Variants in PCDHGA7 observed in about 807,000 individuals in gnomAD.
PCDHGA7 encodes protocadherin gamma-A7.
A neutral mutation model predicts 58.3 loss-of-function variants in PCDHGA7; 44 were observed. The ratio of observed to expected loss-of-function variants is 0.75; its 90% CI spans 0.59 to 0.97. PCDHGA7 has a LOEUF of 0.97. Among genes scored for constraint, PCDHGA7 ranks in the 50% least tolerant of loss-of-function variants. The pLI, the probability that PCDHGA7 is intolerant of heterozygous loss-of-function variation, is 0.00. For missense variants in PCDHGA7, 1,266 were observed against 1,188.7 expected (o/e 1.06, Z -0.96); for synonymous variants, 516 against 504.2 (o/e 1.02, Z -0.31).
At chr5:141,446,020 T>C (rs1226676321) in intron 1 of PCDHGA7, among the ~76,000 whole-genome samples, 1 of 152,180 alleles carries the variant, frequency 6.6e-6, no homozygotes, top group African/African-American at 2.4e-5. Context: ...ACTATGGCAA[T>C]ATTCCTGGTA....
At chr5:141,428,792 T>A (rs1590880161) in intron 1 of PCDHGA7, 1 of 152,978 alleles carries the variant, frequency 6.5e-6, no homozygotes, top group Middle Eastern at 3.4e-3. Flanking sequence ...TTCCTTTCTG[T>A]GTGGGCCAGT....
In PCDHGA7 at chr5:141,438,621, TATATATATATATATACACAC is replaced by T. The variant is rs1185208192; in HGVS notation, c.2424+53300_2424+53319del. Among the ~76,000 whole-genome samples, 212 of 41,372 alleles carry T rather than the reference TATATATATATATATACACAC, an allele frequency of 5.1e-3. 1 individual carries two copies. The highest frequency in any genetic ancestry group is 0.03 in the African/African-American group (177 of 5,808). 27.1% of individuals were successfully genotyped at this position (41,372 alleles called of 152,430 possible). On this transcript the variant is annotated intron_variant, in intron 1 of 3. Transcript: ENST00000518325. ...ATATATATATATATATATATATATA[TATATATATATATATACACAC>T]ACACACACACATATATGTATATATA...
chr5:141,425,836 C>T (rs568578402), intron 1 of PCDHGA7, among the ~76,000 whole-genome samples: 1 of 152,344 alleles, frequency 6.6e-6, no homozygotes, highest in East Asian at 1.9e-4. Context: ...TTTAAATTCT[C>T]TTTGCTGGGT....
At chr5:141,409,868 A>G in intron 1 of PCDHGA7, 2 of 1,612,688 alleles carry the variant, frequency 1.2e-6, no homozygotes, top group South Asian at 1.1e-5. Context: ...GGGAGACCGC[A>G]ATGACAACGC....
chr5:141,414,934 G>A (rs1473788181), intron 1 of PCDHGA7: 1 of 1,614,146 alleles, frequency 6.2e-7, no homozygotes, highest in South Asian at 1.1e-5. Context: ...CCGCTCCGCA[G>A]AGCCCGGCTA....
At chr5:141,396,447 C>T (rs1200125693) in intron 1 of PCDHGA7, 2 of 152,068 alleles carry the variant, frequency 1.3e-5, no homozygotes, top group South Asian at 2.1e-4. Flanking sequence ...GGTGAAACCC[C>T]GTCTCTACTA....
At chr5:141,423,264 C>G (rs1452323474) in intron 1 of PCDHGA7, 1 of 1,613,986 alleles carries the variant, frequency 6.2e-7, no homozygotes. Flanking sequence ...TCGGCAGCCT[C>G]GAGTCTCTGG....
rs778271895 is a variant in PCDHGA7 at position 141,404,140 on chromosome 5, T to C, written c.2424+18817T>C. ...AGAATCTATCTTTTACATTAGAAAA[T>C]TCAGAAGAAGATTATTACAGATTGT... On this transcript the variant is annotated intron_variant, in intron 1 of 3. Coordinates refer to ENST00000518325, the MANE Select transcript of PCDHGA7 (RefSeq NM_018920.4). The C allele has an allele frequency of 8.1e-6, 13 of 1,612,934 alleles. No homozygotes were observed. The South Asian group carries it at 1.3e-4, about 16-fold the overall frequency.
At chr5:141,389,140 C>T in intron 1 of PCDHGA7, 3 of 1,613,996 alleles carry the variant, frequency 1.9e-6, no homozygotes, top group Non-Finnish European at 2.5e-6. Context: ...TACAATATAA[C>T]CGTTACGGCA....
chr5:141,419,300 T>G (rs2096356436), intron 1 of PCDHGA7: 3 of 1,613,998 alleles, frequency 1.9e-6, no homozygotes, highest in Non-Finnish European at 2.5e-6. Context: ...TGACCCAGAC[T>G]TCGGGCTCAA....
rs1054174619 is a variant in PCDHGA7, at chr5:141,383,587, G to A, written c.688G>A (p.Val230Met). 3.1e-6 allele frequency: 5 copies of A among 1,613,564 alleles called. No homozygotes were observed. Among genetic ancestry groups the A allele is most frequent in the African/African-American group, 1.3e-5 (1 of 74,952 alleles). ...PPRSSTAHIQ[V>M]TVVDVNDHTP... ...CCGATCCAGCACCGCCCACATCCAGGTGACAGTGGTGGATGTGAATGACCA... is the reference window on the plus strand; with the variant it reads ...CCGATCCAGCACCGCCCACATCCAGATGACAGTGGTGGATGTGAATGACCA... Residue 230 changes from valine (V) to methionine (M), a missense_variant, in exon 1 of 4, where the codon GTG becomes ATG. Physicochemically the swap from Val to Met is conservative, Grantham distance 21 (BLOSUM62 1). Transcript: ENST00000518325.
intron 1 of PCDHGA7, chr5:141,395,547 TGTGTGTGTGTGTGTGTGTGTGTGTG>T: frequency 5.8e-6 from 1 of 173,894 alleles, no homozygotes; most frequent in Admixed American, 6.5e-5. Context: ...ATTGTTTGTG[TGTGTGTGTGTGTGTGTGTGTGTGTG>T]TGTGTGTGTG....
Position 141,490,900 on chromosome 5 carries a change from G to A in PCDHGA7, c.2425-3907G>A, listed in dbSNP as rs2099705863. 2 of 1,613,796 alleles carry A rather than the reference G, an allele frequency of 1.2e-6. No individual in the cohort carries two copies. The highest frequency in any genetic ancestry group is 2.7e-5 in the African/African-American group (2 of 75,050). ...TGCCAACACATCTCTGCATGTGTTT[G>A]TCCTAGACGAGAATGATAATGCCCC... On this transcript the variant is annotated intron_variant, in intron 1 of 3. Transcript: ENST00000518325. The surrounding 1 kb of genome is among the most constrained non-coding windows in gnomAD (Gnocchi z 5.4).
At chr5:141,428,185 G>A (rs775261215) in intron 1 of PCDHGA7, 1 of 1,446,348 alleles carries the variant, frequency 6.9e-7, no homozygotes, top group Admixed American at 1.8e-5. Context: ...GAGGACAGCC[G>A]CCGCTCTCTG....
In PCDHGA7 at chr5:141,486,819, T is replaced by TG; in HGVS notation, c.2425-7988_2425-7987insG. 6.2e-7 allele frequency: 1 copy of TG among 1,614,212 alleles called. No homozygotes were observed. Among genetic ancestry groups the TG allele is most frequent in the Non-Finnish European group, 8.5e-7 (1 of 1,180,034 alleles). On this transcript the variant is annotated intron_variant, in intron 1 of 3. Coordinates refer to ENST00000518325, the MANE Select transcript of PCDHGA7 (RefSeq NM_018920.4). The surrounding 1 kb of genome is among the most constrained non-coding windows in gnomAD (Gnocchi z 5.0). ...GGCAACCCACCCCTTAGCAGCACTG[T>TG]AACAGTTCGTCTATTTGTGCTGGAC...
chr5:141,500,184 T>TTTTA (rs58019021), intron 2 of PCDHGA7, among the ~76,000 whole-genome samples: 28,743 of 135,782 alleles, frequency 0.21, 3,285 homozygotes, highest in African/African-American at 0.3. Context: ...TCATTTTTAT[T>TTTTA]TTTATTTATT....
chr5:141,485,172 CA>C lies in PCDHGA7; in HGVS notation c.2425-9633del. 6.2e-7 allele frequency: 1 copy of C among 1,610,166 alleles called. No individual in the cohort carries two copies. Among genetic ancestry groups the C allele is most frequent in the Non-Finnish European group, 8.5e-7 (1 of 1,176,940 alleles). On this transcript the variant is annotated intron_variant, in intron 1 of 3. Coordinates refer to ENST00000518325, the MANE Select transcript of PCDHGA7 (RefSeq NM_018920.4). The surrounding 1 kb of genome is among the most constrained non-coding windows in gnomAD (Gnocchi z 5.7). ...CAAGTAGAGAATTAGCGGGCGGCAG[CA>C]ATGCTCCGCAAGGTGAGAAGCTGGA...
intron 1 of PCDHGA7, chr5:141,419,197 T>C (rs560134083): frequency 1.2e-6 from 2 of 1,613,966 alleles, no homozygotes; most frequent in South Asian, 1.1e-5. Flanking sequence ...CTGACGTCAA[T>C]GACAACGCGC....
intron 1 of PCDHGA7, chr5:141,409,361 G>A (rs754448763): frequency 6.2e-7 from 1 of 1,613,964 alleles, no homozygotes; most frequent in Non-Finnish European, 8.5e-7. Flanking sequence ...GTGTAATATA[G>A]AAACAGACAT....
Sources: gnomAD v4.1 joint callset for allele counts (sites outside exome capture counted in the v4.1 genomes callset) on GRCh38, gnomAD v4.1.1 for gene constraint, Gnocchi (gnomAD v3.1) non-coding constraint, MANE v1.5 for transcripts, NCBI Gene and HGNC (gene_info 2026-07-23, HGNC 2026-07-21) for gene names.